The following PLCL1 variants were observed in gnomAD, a reference collection of about 807,000 sequenced individuals.
PLCL1 encodes phospholipase C like 1 (inactive).
In PLCL1, 41 loss-of-function variants were observed where a neutral mutation model predicts 84.4. The observed-to-expected ratio is 0.49, with a 90% CI of 0.38 to 0.63. The LOEUF is 0.63. Among genes scored for constraint, PLCL1 ranks in the 30% least tolerant of loss-of-function variants. PLCL1 has a pLI of 0.00. For missense variants in PLCL1, 1,206 were observed against 1,367.8 expected (o/e 0.88, Z 1.87); for synonymous variants, 490 against 488.3 (o/e 1.00, Z -0.05).
intron 1 of PLCL1, among the ~76,000 whole-genome samples, chr2:198,031,364 C>T (rs188808158): frequency 1.3e-3 from 191 of 151,796 alleles, no homozygotes; most frequent in Non-Finnish European, 2.3e-3. Context: ...CAAGAGGCCC[C>T]GTGTCTTTAT....
intron 1 of PLCL1, among the ~76,000 whole-genome samples, chr2:197,980,506 C>G (rs2105804402): frequency 6.6e-6 from 1 of 152,244 alleles, no homozygotes; most frequent in African/African-American, 2.4e-5. Flanking sequence ...TCAGTGTCTA[C>G]TACACTGCTT....
At chr2:197,969,336 G>A (rs1264107687) in intron 1 of PLCL1, among the ~76,000 whole-genome samples, 2 of 152,190 alleles carry the variant, frequency 1.3e-5, no homozygotes, top group African/African-American at 4.8e-5. Context: ...GTGGCAATAT[G>A]TCCTCTATAA....
chr2:197,923,256 T>A (rs1688753524), intron 1 of PLCL1, among the ~76,000 whole-genome samples: 13 of 145,994 alleles, frequency 8.9e-5, no homozygotes, highest in African/African-American at 3.4e-4. Context: ...GGCGGGGGGC[T>A]GACCCCCCCC....
rs898475504 is a variant in PLCL1 at position 197,832,021 on chromosome 2, C to G, written c.240+26682C>G. Among the ~76,000 whole-genome samples, 3 of 152,206 alleles carry G rather than the reference C, an allele frequency of 2.0e-5. No homozygotes were observed. In the East Asian group the frequency reaches 5.8e-4, roughly 29 times the overall value. On this transcript the variant is annotated intron_variant, in intron 1 of 5. Transcript: ENST00000428675. ...AGCTAAAGCAGTGTTTAGAGGGAAACTTATAGCACTAAATGCTCACAGGAG... is the reference window on the plus strand; with the variant it reads ...AGCTAAAGCAGTGTTTAGAGGGAAAGTTATAGCACTAAATGCTCACAGGAG...
At chr2:197,824,911 C>T (rs1690897242) in intron 1 of PLCL1, among the ~76,000 whole-genome samples, 1 of 151,956 alleles carries the variant, frequency 6.6e-6, no homozygotes, top group Admixed American at 6.6e-5. Context: ...TAAAATAAAA[C>T]CTTAAAATTA....
At chr2:197,852,768 G>A (rs1335618842) in intron 1 of PLCL1, among the ~76,000 whole-genome samples, 1 of 152,042 alleles carries the variant, frequency 6.6e-6, no homozygotes. Context: ...ACTCCTTTTA[G>A]AAAACAGAGC....
intron 1 of PLCL1, among the ~76,000 whole-genome samples, chr2:197,843,575 A>T (rs1397459684): frequency 6.6e-6 from 1 of 152,142 alleles, no homozygotes; most frequent in Non-Finnish European, 1.5e-5. Context: ...CCACAAGGAA[A>T]ATCTCAAACA....
intron 1 of PLCL1, among the ~76,000 whole-genome samples, chr2:197,987,824 C>G (rs926972697): frequency 6.6e-6 from 1 of 152,198 alleles, no homozygotes; most frequent in Non-Finnish European, 1.5e-5. Flanking sequence ...TAAAATATTT[C>G]AAACATCAGA....
At chr2:197,807,562 C>T (rs1690510105) in intron 1 of PLCL1, among the ~76,000 whole-genome samples, 2 of 152,162 alleles carry the variant, frequency 1.3e-5, no homozygotes, top group Admixed American at 1.3e-4. Flanking sequence ...CTTGAATCTG[C>T]TGCCCTGTGG....
intron 5 of PLCL1, among the ~76,000 whole-genome samples, chr2:198,128,105 A>C (rs1298595994): frequency 6.6e-6 from 1 of 152,118 alleles, no homozygotes; most frequent in African/African-American, 2.4e-5. Context: ...TTTTCCTTTC[A>C]TTCGTAGTTC....
At chr2:197,981,652 A>T (rs545151286) in intron 1 of PLCL1, among the ~76,000 whole-genome samples, 124 of 152,310 alleles carry the variant, frequency 8.1e-4, no homozygotes, top group Non-Finnish European at 1.4e-3. Context: ...AAAGGGAGGG[A>T]GGAAGTTCAT....
chr2:198,024,617 G>C lies in PLCL1; in HGVS notation c.241-59141G>C, dbSNP rs1691219934. On this transcript the variant is annotated intron_variant, in intron 1 of 5. Coordinates refer to ENST00000428675, the MANE Select transcript of PLCL1 (RefSeq NM_006226.4). ...CAGCTGTACTAAAAATACAAAATTAGCAAGGTGTGGTGACACATGCCTGTG... is the reference window on the plus strand; with the variant it reads ...CAGCTGTACTAAAAATACAAAATTACCAAGGTGTGGTGACACATGCCTGTG... Among the ~76,000 whole-genome samples, 3 of 152,118 alleles carry C rather than the reference G, an allele frequency of 2.0e-5. No individual in the cohort carries two copies. In the South Asian group the frequency reaches 6.2e-4, roughly 32 times the overall value.
At chr2:198,138,816 G>A (rs938024578) in intron 5 of PLCL1, among the ~76,000 whole-genome samples, 10 of 152,064 alleles carry the variant, frequency 6.6e-5, no homozygotes, top group African/African-American at 2.4e-4. Flanking sequence ...AGTATCAGCT[G>A]GTATTATCAA....
chr2:198,114,194 A>G (rs2105922206), intron 5 of PLCL1, among the ~76,000 whole-genome samples: 1 of 152,046 alleles, frequency 6.6e-6, no homozygotes, highest in African/African-American at 2.4e-5. Context: ...CAATAGGCAG[A>G]CTGGTTACAT....
At chr2:198,003,734 G>A (rs1195957554) in intron 1 of PLCL1, among the ~76,000 whole-genome samples, 1 of 152,112 alleles carries the variant, frequency 6.6e-6, no homozygotes, top group African/African-American at 2.4e-5. Context: ...AAGAATATAT[G>A]GTCTATGCAA....
chr2:197,835,890 G>A (rs529953733), intron 1 of PLCL1, among the ~76,000 whole-genome samples: 20 of 151,964 alleles, frequency 1.3e-4, no homozygotes, highest in Admixed American at 3.9e-4. Context: ...TGCAGGAGCC[G>A]GTGAGACTAC....
chr2:197,943,099 G>A (rs1689193341), intron 1 of PLCL1, among the ~76,000 whole-genome samples: 1 of 151,326 alleles, frequency 6.6e-6, no homozygotes, highest in Non-Finnish European at 1.5e-5. Context: ...TCGGGGGTGG[G>A]GGAGCCTGGA....
At chr2:198,020,557 G>T (rs1373532934) in intron 1 of PLCL1, among the ~76,000 whole-genome samples, 1 of 148,464 alleles carries the variant, frequency 6.7e-6, no homozygotes, top group Non-Finnish European at 1.5e-5. Flanking sequence ...CCAAGCAAAT[G>T]GAAAGAAAAA....
At chr2:198,045,383 G>C (rs41468149) in intron 1 of PLCL1, among the ~76,000 whole-genome samples, 26,065 of 152,058 alleles carry the variant, frequency 0.17, 2,310 homozygotes, top group East Asian at 0.26. Context: ...TGAGGGTTAT[G>C]AATCATAGGA....
Sources: allele counts gnomAD v4.1 joint callset (sites outside exome capture counted in the v4.1 genomes callset), GRCh38; gene constraint gnomAD v4.1.1; transcripts MANE v1.5; gene names NCBI Gene and HGNC (gene_info 2026-07-23, HGNC 2026-07-21).